TBC1D22A: variants seen among roughly 807,000 people sequenced by gnomAD.
TBC1D22A encodes the protein TBC1 domain family member 22A.
TBC1D22A carries 38 observed loss-of-function variants against 60.2 expected under a neutral mutation model. The ratio of observed to expected loss-of-function variants is 0.63; its 90% CI spans 0.49 to 0.83. The LOEUF (loss-of-function observed/expected upper bound fraction) is 0.83. Ranked by LOEUF, TBC1D22A falls within the 40% of genes least tolerant of loss-of-function variation. The pLI is 0.00. For missense variants in TBC1D22A, 628 were observed against 701.0 expected (o/e 0.90, Z 1.18); for synonymous variants, 302 against 281.7 (o/e 1.07, Z -0.72).
At chr22:46,888,549 G>A (rs564764446) in intron 5 of TBC1D22A, among the ~76,000 whole-genome samples, 2 of 152,334 alleles carry the variant, frequency 1.3e-5, no homozygotes, top group African/African-American at 4.8e-5. Flanking sequence ...AGATGCTGCT[G>A]GAGTGCCAGG....
chr22:46,948,224 A>G (rs1327152653), intron 8 of TBC1D22A, among the ~76,000 whole-genome samples: 1 of 152,254 alleles, frequency 6.6e-6, no homozygotes, highest in Non-Finnish European at 1.5e-5. Flanking sequence ...TAAGCAGGAA[A>G]GATTTTCATT....
intron 1 of TBC1D22A, among the ~76,000 whole-genome samples, chr22:46,790,300 C>G (rs1340197747): frequency 6.6e-6 from 1 of 152,248 alleles, no homozygotes; most frequent in African/African-American, 2.4e-5. Flanking sequence ...GTCTCTTCTG[C>G]TCTGACCACA....
chr22:47,108,787 C>T (rs941790895), intron 11 of TBC1D22A, among the ~76,000 whole-genome samples: 1 of 152,176 alleles, frequency 6.6e-6, no homozygotes, highest in Non-Finnish European at 1.5e-5. Context: ...GCTCCGCCTC[C>T]CAGGTTCATG....
intron 12 of TBC1D22A, among the ~76,000 whole-genome samples, chr22:47,153,295 C>A (rs2067578370): frequency 6.6e-6 from 1 of 152,200 alleles, no homozygotes; most frequent in Non-Finnish European, 1.5e-5. Context: ...TATCTGACTT[C>A]AAGGGAGCCC....
At chr22:47,104,308 A>G (rs898234413) in intron 11 of TBC1D22A, among the ~76,000 whole-genome samples, 1 of 152,028 alleles carries the variant, frequency 6.6e-6, no homozygotes, top group African/African-American at 2.4e-5. Flanking sequence ...ACTCTGTCTC[A>G]AAAACAAAAA....
In TBC1D22A at chr22:46,792,551, C is replaced by G. The variant is rs1208677696; in HGVS notation, c.94C>G (p.Pro32Ala). 3.7e-6 allele frequency: 6 copies of G among 1,614,120 alleles called. No homozygotes were observed. Among genetic ancestry groups the G allele is most frequent in the Admixed American group, 1.7e-5 (1 of 60,006 alleles). Residue 32 changes from proline (P) to alanine (A), a missense_variant, in exon 2 of 13, where the codon CCC becomes GCC. Pro to Ala is a conservative substitution (Grantham distance 27, BLOSUM62 -1). Coordinates refer to ENST00000337137, the MANE Select transcript of TBC1D22A (RefSeq NM_014346.5). ...GCACGTGTATGGTGCCCAGCACCCC[C>G]CCTTTGATCCACTGTTACATGGCAC... is the stretch of plus-strand genomic sequence containing the variant. ...IQHVYGAQHP[P>A]FDPLLHGTLL...
intron 8 of TBC1D22A, among the ~76,000 whole-genome samples, chr22:46,933,839 C>G (rs1279504404): frequency 6.6e-6 from 1 of 152,190 alleles, no homozygotes; most frequent in Non-Finnish European, 1.5e-5. Context: ...TGGTTCTGGT[C>G]TTGGGAAACA....
At chr22:46,842,365 T>C (rs1329061217) in intron 4 of TBC1D22A, among the ~76,000 whole-genome samples, 1 of 152,214 alleles carries the variant, frequency 6.6e-6, no homozygotes, top group Non-Finnish European at 1.5e-5. Context: ...TTGAAACTTT[T>C]CAAACATGGA....
chr22:46,883,500 G>A (rs1000342905), intron 5 of TBC1D22A, among the ~76,000 whole-genome samples: 3 of 152,174 alleles, frequency 2.0e-5, no homozygotes, highest in Non-Finnish European at 2.9e-5. Context: ...TCAGGAGCAC[G>A]TGTAGGGTTT....
intron 11 of TBC1D22A, among the ~76,000 whole-genome samples, chr22:47,097,100 C>T (rs530150822): frequency 6.6e-6 from 1 of 151,676 alleles, no homozygotes; most frequent in Non-Finnish European, 1.5e-5. Context: ...ATGGGCGTGG[C>T]CCCGTGTCCT....
intron 11 of TBC1D22A, among the ~76,000 whole-genome samples, chr22:47,058,249 C>A (rs2063461551): frequency 6.6e-6 from 1 of 152,126 alleles, no homozygotes; most frequent in South Asian, 2.1e-4. Context: ...AGGGGCTGGC[C>A]TCCTCCCCAT....
chr22:46,878,160 T>G (rs2067653321), intron 4 of TBC1D22A, among the ~76,000 whole-genome samples: 2 of 151,818 alleles, frequency 1.3e-5, no homozygotes, highest in Admixed American at 1.3e-4. Flanking sequence ...ACAATTTCTT[T>G]CAAAACCAGT....
intron 4 of TBC1D22A, among the ~76,000 whole-genome samples, chr22:46,871,682 T>A (rs1297085892): frequency 6.6e-6 from 1 of 152,206 alleles, no homozygotes; most frequent in Non-Finnish European, 1.5e-5. Flanking sequence ...GTGATGCAGC[T>A]AAAACAGTGC....
At chr22:46,863,365 C>T (rs551008365) in intron 4 of TBC1D22A, among the ~76,000 whole-genome samples, 4 of 152,256 alleles carry the variant, frequency 2.6e-5, no homozygotes, top group South Asian at 2.1e-4. Flanking sequence ...GTAGTAGATT[C>T]GGAATGTCTC....
chr22:47,098,419 C>T (rs1256206419), intron 11 of TBC1D22A, among the ~76,000 whole-genome samples: 1 of 152,208 alleles, frequency 6.6e-6, no homozygotes, highest in Admixed American at 6.5e-5. Flanking sequence ...CACCCTGATG[C>T]TGCCACCCCC....
At chr22:47,104,099 G>A (rs950957454) in intron 11 of TBC1D22A, among the ~76,000 whole-genome samples, 1 of 152,056 alleles carries the variant, frequency 6.6e-6, no homozygotes, top group African/African-American at 2.4e-5. Context: ...GAGGTCAGGA[G>A]TTTGAGACCA....
chr22:47,155,834 T>C (rs184313031), intron 12 of TBC1D22A, among the ~76,000 whole-genome samples: 1 of 152,190 alleles, frequency 6.6e-6, no homozygotes, highest in African/African-American at 2.4e-5. Flanking sequence ...TCTTGTCTTC[T>C]GTGTATCAGG....
At chr22:46,831,951 G>T (rs1292327004) in intron 4 of TBC1D22A, among the ~76,000 whole-genome samples, 1 of 124,088 alleles carries the variant, frequency 8.1e-6, no homozygotes, top group Non-Finnish European at 1.8e-5. Context: ...ATGTTGGAAG[G>T]TCCTTTCCCC....
chr22:46,932,553 A>G (rs2071410858), intron 8 of TBC1D22A, among the ~76,000 whole-genome samples: 2 of 152,032 alleles, frequency 1.3e-5, no homozygotes, highest in Admixed American at 6.5e-5. Flanking sequence ...AGTTTACTTC[A>G]TTTCCCATGG....
Sources: gnomAD v4.1 joint callset for allele counts (sites outside exome capture counted in the v4.1 genomes callset) on GRCh38, gnomAD v4.1.1 for gene constraint, MANE v1.5 for transcripts, NCBI Gene and HGNC (gene_info 2026-07-23, HGNC 2026-07-21) for gene names.